NCCRP1: variants seen among roughly 807,000 people sequenced by gnomAD.
NCCRP1 encodes the protein NCCRP1, F-box associated domain containing.
A neutral mutation model predicts 34.4 loss-of-function variants in NCCRP1; 32 were observed. The observed-to-expected ratio is 0.93, with a 90% CI of 0.70 to 1.25. The LOEUF is 1.25. Among genes scored for constraint, NCCRP1 ranks in the 50% most tolerant of loss-of-function variants. The pLI, the probability that NCCRP1 is intolerant of heterozygous loss-of-function variation, is 0.00. For missense variants in NCCRP1, 372 were observed against 391.8 expected, an observed-to-expected ratio of 0.95 and a Z score of 0.43; for synonymous variants, 172 against 180.1, an observed-to-expected ratio of 0.95 and a Z score of 0.36.
In NCCRP1 at chr19:39,199,487, CT is replaced by C. The variant is rs916155239; in HGVS notation, c.548+232del. On this transcript the variant is annotated intron_variant, in intron 4 of 5. Transcript: ENST00000339852. ...GCTGATCTTTATTTCTTTTTCTTTT[CT>C]TTTTTTTTTCTTTTTTCTTTCTTTT... 2.8e-4 allele frequency among the ~76,000 whole-genome samples: 17 copies of C among 60,926 alleles called. No individual in the cohort carries two copies. The East Asian group carries it at 3.8e-3, about 14-fold the overall frequency. The allele number at this position is 60,926 out of a possible 152,430, so 40.0% of individuals were successfully genotyped here.
Position 39,200,504 on chromosome 19 carries a change from G to A in NCCRP1, c.687+20G>A, listed in dbSNP as rs772005313. 1.9e-6 allele frequency: 3 copies of A among 1,611,680 alleles called. No individual in the cohort carries two copies. Among genetic ancestry groups the A allele is most frequent in the Admixed American group, 1.7e-5 (1 of 59,870 alleles). On this transcript the variant is annotated intron_variant, in intron 5 of 5. Coordinates refer to ENST00000339852, the MANE Select transcript of NCCRP1 (RefSeq NM_001001414.2). This position sits in a 1 kb window ranked among gnomAD's most constrained non-coding sequence, Gnocchi z 5.8. ...GTCCAGGTGAGACTCTCCGCGCCGG[G>A]GCCCTCAACCCCAGACGTGTGTTCT...
chr19:39,200,594 ACC>A lies in NCCRP1; in HGVS notation c.688-19_688-18del. 6.2e-7 allele frequency: 1 copy of A among 1,612,782 alleles called. No homozygotes were observed. Among genetic ancestry groups the A allele is most frequent in the Non-Finnish European group, 8.5e-7 (1 of 1,179,478 alleles). On this transcript the variant is annotated intron_variant, in intron 5 of 5. Coordinates refer to ENST00000339852, the MANE Select transcript of NCCRP1 (RefSeq NM_001001414.2). This position sits in a 1 kb window ranked among gnomAD's most constrained non-coding sequence, Gnocchi z 5.8. ...GGTCCTCAAAAAGGGCTCCTCCCTAACCCCAGGTGCTGTCACCACAGGTGTCC... is the reference window on the plus strand; with the variant it reads ...GGTCCTCAAAAAGGGCTCCTCCCTAACCAGGTGCTGTCACCACAGGTGTCC...
In NCCRP1 at chr19:39,199,509, C is replaced by CTTTTTTTTTTTTTTTTTTTTTTTTTT. The variant is rs150534648; in HGVS notation, c.548+268_548+269insTTTTTTTTTTTTTTTTTTTTTTTTTT. Among the ~76,000 whole-genome samples, 14 of 67,868 alleles carry CTTTTTTTTTTTTTTTTTTTTTTTTTT rather than the reference C, an allele frequency of 2.1e-4. 1 individual carries two copies. Among genetic ancestry groups the CTTTTTTTTTTTTTTTTTTTTTTTTTT allele is most frequent in the East Asian group, 5.6e-4 (1 of 1,788 alleles). The allele number at this position is 67,868 out of a possible 152,430, so 44.5% of individuals were successfully genotyped here. A position where few individuals can be genotyped will look rare whatever the true frequency, so the allele number is the denominator to read the frequency against. On this transcript the variant is annotated intron_variant, in intron 4 of 5. Coordinates refer to ENST00000339852, the MANE Select transcript of NCCRP1 (RefSeq NM_001001414.2). Reference sequence around the variant, plus strand: ...TTTCTTTTTTTTTTCTTTTTTCTTTCTTTTTTTTTTTTTTTTTTTTTTTTG... The same window carrying CTTTTTTTTTTTTTTTTTTTTTTTTTT: ...TTTCTTTTTTTTTTCTTTTTTCTTTCTTTTTTTTTTTTTTTTTTTTTTTTTTTTTTTTTTTTTTTTTTTTTTTTTTG...
chr19:39,197,324 G>A lies in NCCRP1; in HGVS notation c.337+5G>A, dbSNP rs1032601151. On this transcript the variant is annotated splice_donor_5th_base_variant and intron_variant, in intron 1 of 5. Transcript: ENST00000339852. ...TGCGCTCGCCCAACCCCGAAGGTGC[G>A]CAAGGGCCCAGAGCAGCCAGGAGGC... is the stretch of plus-strand genomic sequence containing the variant. The A allele has an allele frequency of 5.5e-6, 8 of 1,446,646 alleles. No homozygotes were observed. The highest frequency in any genetic ancestry group is 2.9e-5 in the South Asian group (2 of 68,778). The allele number at this position is 1,446,646 out of a possible 1,614,324, so 89.6% of individuals were successfully genotyped here. A position where few individuals can be genotyped will look rare whatever the true frequency, so the allele number is the denominator to read the frequency against.
In NCCRP1 at chr19:39,197,282, G is replaced by A. The variant is rs765060220; in HGVS notation, c.300G>A (p.Pro100=). 4 of 1,490,244 alleles carry A rather than the reference G, an allele frequency of 2.7e-6. No homozygotes were observed. The highest frequency in any genetic ancestry group is 2.8e-5 in the East Asian group (1 of 35,806). 92.3% of individuals were successfully genotyped at this position (1,490,244 alleles called of 1,614,324 possible). A position where few individuals can be genotyped will look rare whatever the true frequency, so the allele number is the denominator to read the frequency against. The change falls in exon 1 of 6, where the codon CCG becomes CCA. Residue 100 remains proline (P), a synonymous_variant. Transcript: ENST00000339852. ...GGAAGCTGCTCCTGTTGCGGCGGCC[G>A]CTCTACCGCAACCTGCTGCGCTCGC... The part of the protein sequence containing the change: ...LTWKLLLLRR[P]LYRNLLRSPN...
chr19:39,200,249 G>A lies in NCCRP1; in HGVS notation c.549-97G>A. 3.3e-6 allele frequency: 5 copies of A among 1,495,682 alleles called. No homozygotes were observed. Among genetic ancestry groups the A allele is most frequent in the Non-Finnish European group, 4.6e-6 (5 of 1,092,840 alleles). The allele number at this position is 1,495,682 out of a possible 1,614,324, so 92.7% of individuals were successfully genotyped here. A position where few individuals can be genotyped will look rare whatever the true frequency, so the allele number is the denominator to read the frequency against. ...CCAGCTCAGGGCTGTGTACAGCATG[G>A]GTAGCAGCATGTGTGTTGAATGGGG... On this transcript the variant is annotated intron_variant, in intron 4 of 5. Coordinates refer to ENST00000339852, the MANE Select transcript of NCCRP1 (RefSeq NM_001001414.2). This position sits in a 1 kb window ranked among gnomAD's most constrained non-coding sequence, Gnocchi z 5.8.
At position 39,197,336 on chromosome 19, in the gene NCCRP1, A is replaced by G; in HGVS notation, c.337+17A>G. The G allele has an allele frequency of 7.0e-7, 1 of 1,421,254 alleles. No individual in the cohort carries two copies. The highest frequency in any genetic ancestry group is 9.1e-7 in the Non-Finnish European group (1 of 1,098,884). The allele number at this position is 1,421,254 out of a possible 1,614,324, so 88.0% of individuals were successfully genotyped here. Reference sequence around the variant, plus strand: ...ACCCCGAAGGTGCGCAAGGGCCCAGAGCAGCCAGGAGGCACCACCCTGACC... The same window carrying G: ...ACCCCGAAGGTGCGCAAGGGCCCAGGGCAGCCAGGAGGCACCACCCTGACC... On this transcript the variant is annotated intron_variant, in intron 1 of 5. Coordinates refer to ENST00000339852, the MANE Select transcript of NCCRP1 (RefSeq NM_001001414.2).
At position 39,200,541 on chromosome 19, in the gene NCCRP1, C is replaced by T. The variant is rs746170004; in HGVS notation, c.687+57C>T. 2.5e-6 allele frequency: 4 copies of T among 1,610,412 alleles called. No homozygotes were observed. Among genetic ancestry groups the T allele is most frequent in the Non-Finnish European group, 3.4e-6 (4 of 1,178,234 alleles). On this transcript the variant is annotated intron_variant, in intron 5 of 5. Coordinates refer to ENST00000339852, the MANE Select transcript of NCCRP1 (RefSeq NM_001001414.2). The surrounding 1 kb of genome is among the most constrained non-coding windows in gnomAD (Gnocchi z 5.8). The stretch of plus-strand genomic sequence containing the variant: ...CAGACGTGTGTTCTTGTCCCAAGAC[C>T]TCACAGAGGGAGGAGAACAGGTCCG...
At chr19:39,199,075 C>T (rs1048785061) in intron 3 of NCCRP1, 95 bp from the exon 4 acceptor site, 2 of 1,200,810 alleles carry the variant, frequency 1.7e-6, no homozygotes, top group East Asian at 2.4e-5. Context: ...GTGTGGGGAC[C>T]CAAGCTATCC....
At position 39,200,916 on chromosome 19, in the gene NCCRP1, A is replaced by G; in HGVS notation, c.*160A>G. Reference sequence around the variant, plus strand: ...AAGCGGTGGACTCCAGCATTTTCCCAGCACTGTCTGAGCCCCATGAGGGCG... The same window carrying G: ...AAGCGGTGGACTCCAGCATTTTCCCGGCACTGTCTGAGCCCCATGAGGGCG... On this transcript the variant is annotated 3_prime_UTR_variant, in exon 6 of 6. Transcript: ENST00000339852. The surrounding 1 kb of genome is among the most constrained non-coding windows in gnomAD (Gnocchi z 5.8). 2 of 889,116 alleles carry G rather than the reference A, an allele frequency of 2.2e-6. No individual in the cohort carries two copies. Among genetic ancestry groups the G allele is most frequent in the Non-Finnish European group, 3.4e-6 (2 of 593,994 alleles). The allele number at this position is 889,116 out of a possible 1,614,324, so 55.1% of individuals were successfully genotyped here.
Position 39,200,783 on chromosome 19 carries a change from AC to A in NCCRP1, c.*28del. On this transcript the variant is annotated 3_prime_UTR_variant, in exon 6 of 6. Coordinates refer to ENST00000339852, the MANE Select transcript of NCCRP1 (RefSeq NM_001001414.2). This position sits in a 1 kb window ranked among gnomAD's most constrained non-coding sequence, Gnocchi z 5.8. ...TGGCTGGCTCCTCTGTCCTGACCCCACAGCACCTCCCTGACCTTTAGGAGCC... is the reference window on the plus strand; with the variant it reads ...TGGCTGGCTCCTCTGTCCTGACCCCAAGCACCTCCCTGACCTTTAGGAGCC... The A allele has an allele frequency of 1.9e-6, 3 of 1,598,142 alleles. No homozygotes were observed. Among genetic ancestry groups the A allele is most frequent in the Non-Finnish European group, 2.6e-6 (3 of 1,175,306 alleles).
chr19:39,196,982 G>T lies in NCCRP1; in HGVS notation c.-1G>T. ...CCGGGACAGTCGCGCAGCCTCGAGGGATGGAGGAGGTGCGTGAGGGACACG... is the reference window on the plus strand; with the variant it reads ...CCGGGACAGTCGCGCAGCCTCGAGGTATGGAGGAGGTGCGTGAGGGACACG... On this transcript the variant is annotated 5_prime_UTR_variant, in exon 1 of 6. Coordinates refer to ENST00000339852, the MANE Select transcript of NCCRP1 (RefSeq NM_001001414.2). 1 of 1,535,236 alleles carries T rather than the reference G, an allele frequency of 6.5e-7. No homozygotes were observed. The highest frequency in any genetic ancestry group is 8.7e-7 in the Non-Finnish European group (1 of 1,147,910).
intron 3 of NCCRP1, among the ~76,000 whole-genome samples, chr19:39,198,920 C>A (rs1422754363): frequency 6.6e-6 from 1 of 152,182 alleles, no homozygotes; most frequent in Non-Finnish European, 1.5e-5. Flanking sequence ...GGGATCCTGG[C>A]TCTGCCACAT....
chr19:39,197,257 G>A lies in NCCRP1; in HGVS notation c.275G>A (p.Trp92Ter). The A allele has an allele frequency of 2.7e-6, 4 of 1,494,608 alleles. No individual in the cohort carries two copies. Among genetic ancestry groups the A allele is most frequent in the Non-Finnish European group, 3.5e-6 (4 of 1,132,596 alleles). 92.6% of individuals were successfully genotyped at this position (1,494,608 alleles called of 1,614,324 possible). The change falls in exon 1 of 6, where the codon TGG becomes TAG. Residue 92 changes from tryptophan to a stop codon, truncating the protein, a stop_gained. Transcript: ENST00000339852. LOFTEE classifies it high-confidence loss of function. ...CTGGAGCTGCCCCAGCGCCTCACCTGGAAGCTGCTCCTGTTGCGGCGGCCG... is the reference window on the plus strand; with the variant it reads ...CTGGAGCTGCCCCAGCGCCTCACCTAGAAGCTGCTCCTGTTGCGGCGGCCG... ...GGLELPQRLTWKLLLLRRPLY... is the reference protein window; with the variant it reads ...GGLELPQRLT
At chr19:39,199,316 C>T in intron 4 of NCCRP1, 51 bp downstream of exon 4, 2 of 1,534,544 alleles carry the variant, frequency 1.3e-6, no homozygotes, top group South Asian at 1.1e-5. Context: ...CAGGGCTGCC[C>T]AGAGCATGAG....
In NCCRP1 at chr19:39,198,254, G is replaced by T. The variant is rs774070779; in HGVS notation, c.452+1G>T. ...CTGAAAAGCTCCAGCAGAACCAAAG[G>T]TGAGTCGCCAGGGCCAGTGTGGCTT... is the stretch of plus-strand genomic sequence containing the variant. On this transcript the variant is annotated splice_donor_variant, in intron 3 of 5. Coordinates refer to ENST00000339852, the MANE Select transcript of NCCRP1 (RefSeq NM_001001414.2). LOFTEE classifies it high-confidence loss of function. The T allele has an allele frequency of 6.2e-7, 1 of 1,614,094 alleles. No homozygotes were observed. Among genetic ancestry groups the T allele is most frequent in the Non-Finnish European group, 8.5e-7 (1 of 1,180,008 alleles).
chr19:39,197,650 C>T (rs2074768743), intron 1 of NCCRP1, among the ~76,000 whole-genome samples: 1 of 152,172 alleles, frequency 6.6e-6, no homozygotes, highest in South Asian at 2.1e-4. Context: ...AATCTCAGCT[C>T]ACTGCAACCT....
intron 4 of NCCRP1, 94 bp downstream of exon 4, chr19:39,199,359 T>G: frequency 1.8e-6 from 2 of 1,118,400 alleles, no homozygotes; most frequent in Non-Finnish European, 2.6e-6. Flanking sequence ...TTTCAGCCCT[T>G]CACCAAGACC....
intron 3 of NCCRP1, among the ~76,000 whole-genome samples, chr19:39,198,612 A>C (rs2074773509): frequency 6.6e-6 from 1 of 152,118 alleles, no homozygotes; most frequent in Admixed American, 6.6e-5. Context: ...GGTGTGCGCC[A>C]TCATGCCCAG....
Sources: allele counts gnomAD v4.1 joint callset (sites outside exome capture counted in the v4.1 genomes callset), GRCh38; gene constraint gnomAD v4.1.1; non-coding constraint Gnocchi (gnomAD v3.1); transcripts MANE v1.5; gene names NCBI Gene and HGNC (gene_info 2026-07-23, HGNC 2026-07-21).